POLD3: variants seen among roughly 807,000 people sequenced by gnomAD.
POLD3 encodes DNA polymerase delta subunit 3.
Under a neutral mutation model 58.2 loss-of-function variants are expected in POLD3, and 19 were observed. The ratio of observed to expected loss-of-function variants is 0.33; its 90% CI spans 0.23 to 0.48. POLD3 has a LOEUF of 0.48. POLD3 is among the 20% of genes least tolerant of loss of function. POLD3 has a pLI of 0.99. For synonymous variants in POLD3, 172 were observed against 193.5 expected (o/e 0.89, Z 0.92); for missense variants, 504 against 545.5 (o/e 0.92, Z 0.76).
intron 4 of POLD3, among the ~76,000 whole-genome samples, chr11:74,650,201 A>AT (rs1445713439): frequency 1.3e-5 from 2 of 152,140 alleles, no homozygotes; most frequent in Non-Finnish European, 2.9e-5. Context: ...TACTTTGCTA[A>AT]TTTTTTTGCC....
chr11:74,616,567 A>G (rs748957024), intron 5 of POLD3, among the ~76,000 whole-genome samples: 1 of 152,222 alleles, frequency 6.6e-6, no homozygotes, highest in Admixed American at 6.5e-5. Context: ...TTTTCCTTGT[A>G]TATGGAAGCA....
chr11:74,625,871 T>TTGTGTGTG (rs56365420), intron 8 of POLD3, among the ~76,000 whole-genome samples: 7,707 of 143,548 alleles, frequency 0.054, 358 homozygotes, highest in African/African-American at 0.12. Flanking sequence ...GTGTGCCTAG[T>TTGTGTGTG]TGTGTGTGTG....
chr11:74,650,743 ACACT>A (rs1043688745), intron 4 of POLD3, among the ~76,000 whole-genome samples: 5 of 152,116 alleles, frequency 3.3e-5, no homozygotes, highest in African/African-American at 1.2e-4. Flanking sequence ...TTAAACACAC[ACACT>A]CTCTCTCTTT....
chr11:74,661,268 G>A (rs570503864), intron 4 of POLD3, among the ~76,000 whole-genome samples: 4 of 152,258 alleles, frequency 2.6e-5, no homozygotes, highest in Admixed American at 6.5e-5. Context: ...ATGTTTGTCA[G>A]TGTCTAGGCA....
At chr11:74,626,223 G>T (rs1158359475) in intron 8 of POLD3, among the ~76,000 whole-genome samples, 2 of 152,144 alleles carry the variant, frequency 1.3e-5, no homozygotes, top group East Asian at 1.9e-4. Flanking sequence ...ATTTTAGAGG[G>T]TTAAAGCTCT....
intron 9 of POLD3, among the ~76,000 whole-genome samples, chr11:74,634,053 T>C (rs2032675236): frequency 6.6e-6 from 1 of 152,188 alleles, no homozygotes. Flanking sequence ...TATCTCCACA[T>C]AGATCTTGAG....
At position 74,642,156 on chromosome 11, in the gene POLD3, A is replaced by G. The variant is rs2135186936; in HGVS notation, c.*1390A>G. ...CAGCTGTCTGCTTTTTAAGGTTGGGATTGTGCTGACTTTGGGATTAACATG... is the reference window on the plus strand; with the variant it reads ...CAGCTGTCTGCTTTTTAAGGTTGGGGTTGTGCTGACTTTGGGATTAACATG... On this transcript the variant is annotated 3_prime_UTR_variant, in exon 12 of 12. Transcript: ENST00000263681. 1.0e-6 allele frequency: 1 copy of G among 985,344 alleles called. No homozygotes were observed. Among genetic ancestry groups the G allele is most frequent in the Non-Finnish European group, 1.2e-6 (1 of 829,916 alleles). 61.0% of individuals were successfully genotyped at this position (985,344 alleles called of 1,614,324 possible). A position where few individuals can be genotyped will look rare whatever the true frequency, so the allele number is the denominator to read the frequency against.
intron 5 of POLD3, among the ~76,000 whole-genome samples, chr11:74,618,141 G>C (rs1239563601): frequency 1.3e-5 from 2 of 152,086 alleles, no homozygotes; most frequent in African/African-American, 4.8e-5. Flanking sequence ...TAAAAACAAA[G>C]GCTATTTCAT....
At chr11:74,650,492 T>G (rs2033055200) in intron 4 of POLD3, among the ~76,000 whole-genome samples, 1 of 152,222 alleles carries the variant, frequency 6.6e-6, no homozygotes. Flanking sequence ...ATGCATTCTA[T>G]TTCCTCAAGT....
At chr11:74,622,583 G>A (rs1346650382) in intron 7 of POLD3, among the ~76,000 whole-genome samples, 1 of 152,054 alleles carries the variant, frequency 6.6e-6, no homozygotes, top group African/African-American at 2.4e-5. Context: ...CTTTTTTATT[G>A]TATTCGACAC....
Position 74,641,777 on chromosome 11 carries a change from A to G in POLD3, c.*1011A>G. 1 of 985,274 alleles carries G rather than the reference A, an allele frequency of 1.0e-6. No homozygotes were observed. Among genetic ancestry groups the G allele is most frequent in the Non-Finnish European group, 1.2e-6 (1 of 829,754 alleles). 61.0% of individuals were successfully genotyped at this position (985,274 alleles called of 1,614,324 possible). A position where few individuals can be genotyped will look rare whatever the true frequency, so the allele number is the denominator to read the frequency against. On this transcript the variant is annotated 3_prime_UTR_variant, in exon 12 of 12. Coordinates refer to ENST00000263681, the MANE Select transcript of POLD3 (RefSeq NM_006591.3). Reference sequence around the variant, plus strand: ...AGATAAGGCACACATTTATTTATAAATGGATGTTGCTCCTTTGTATTTTTA... The same window carrying G: ...AGATAAGGCACACATTTATTTATAAGTGGATGTTGCTCCTTTGTATTTTTA...
chr11:74,642,568 G>C lies in POLD3; in HGVS notation c.*1802G>C. 1 of 985,228 alleles carries C rather than the reference G, an allele frequency of 1.0e-6. No homozygotes were observed. Among genetic ancestry groups the C allele is most frequent in the Non-Finnish European group, 1.2e-6 (1 of 829,842 alleles). The allele number at this position is 985,228 out of a possible 1,614,324, so 61.0% of individuals were successfully genotyped here. A position where few individuals can be genotyped will look rare whatever the true frequency, so the allele number is the denominator to read the frequency against. ...GTTGGTTGGAGTTCCATCTTGCAAG[G>C]GATAATACAAATCCTATGATCTCTA... On this transcript the variant is annotated 3_prime_UTR_variant, in exon 12 of 12. Coordinates refer to ENST00000263681, the MANE Select transcript of POLD3 (RefSeq NM_006591.3).
chr11:74,639,414 A>G (rs1199049399), intron 11 of POLD3, among the ~76,000 whole-genome samples: 1 of 152,192 alleles, frequency 6.6e-6, no homozygotes, highest in African/African-American at 2.4e-5. Context: ...TTGTTCTTTA[A>G]TGGAAAAAAA....
In POLD3 at chr11:74,643,009, A is replaced by G; in HGVS notation, c.*2243A>G. 1 of 807,316 alleles carries G rather than the reference A, an allele frequency of 1.2e-6. No individual in the cohort carries two copies. The highest frequency in any genetic ancestry group is 1.5e-6 in the Non-Finnish European group (1 of 667,468). 50.0% of individuals were successfully genotyped at this position (807,316 alleles called of 1,614,324 possible). On this transcript the variant is annotated 3_prime_UTR_variant, in exon 12 of 12. Coordinates refer to ENST00000263681, the MANE Select transcript of POLD3 (RefSeq NM_006591.3). The stretch of plus-strand genomic sequence containing the variant: ...CTTGCTAGCTGTATGACTGTGGGCA[A>G]GTTTCACAGCCTCAAGTTCTTTATC...
chr11:74,664,897 C>T (rs893305997), intron 4 of POLD3, among the ~76,000 whole-genome samples: 5 of 152,108 alleles, frequency 3.3e-5, no homozygotes, highest in South Asian at 4.2e-4. Flanking sequence ...GTCAGGAGTT[C>T]GAGACCAGCC....
At chr11:74,592,897 G>T in intron 1 of POLD3, 179 bp downstream of exon 1, 1 of 1,438,240 alleles carries the variant, frequency 7.0e-7, no homozygotes, top group Non-Finnish European at 9.1e-7. Context: ...CGTCGGGAAG[G>T]TCCTCCAGCA....
rs1016333234 is a variant in POLD3, at chr11:74,613,932, T to C, written c.392+922T>C. 3.3e-5 allele frequency among the ~76,000 whole-genome samples: 5 copies of C among 152,260 alleles called. 1 individual carries two copies. In the South Asian group the frequency reaches 8.3e-4, roughly 25 times the overall value. ...GAGGGGACAAGACTGTTATGACTTA[T>C]GACACAGAAGGTTATGATATCTCAG... On this transcript the variant is annotated intron_variant, in intron 5 of 11. Coordinates refer to ENST00000263681, the MANE Select transcript of POLD3 (RefSeq NM_006591.3).
In POLD3 at chr11:74,640,551, CTCA is replaced by C. The variant is rs779391036; in HGVS notation, c.1199-10_1199-8del. ...CAGCCCACCCATGTTCCATTTTTTT[CTCA>C]TCCTACCAGTGACTGAAAAAGTCTA... On this transcript the variant is annotated splice_polypyrimidine_tract_variant and intron_variant, in intron 11 of 11. Coordinates refer to ENST00000263681, the MANE Select transcript of POLD3 (RefSeq NM_006591.3). 39 of 1,476,090 alleles carry C rather than the reference CTCA, an allele frequency of 2.6e-5. No homozygotes were observed. The highest frequency in any genetic ancestry group is 3.3e-5 in the Non-Finnish European group (37 of 1,112,504). 91.4% of individuals were successfully genotyped at this position (1,476,090 alleles called of 1,614,324 possible).
Position 74,592,712 on chromosome 11 carries a change from C to T in POLD3, c.54C>T (p.Asn18=), listed in dbSNP as rs1235068980. The T allele has an allele frequency of 6.2e-7, 1 of 1,614,100 alleles. No homozygotes were observed. The highest frequency in any genetic ancestry group is 2.2e-5 in the East Asian group (1 of 44,862). Reference sequence around the variant, plus strand: ...TAGACGAGTTCGTCACGGACCAAAACAAGATCGTGAGCAGCTACTACTGGG... The same window carrying T: ...TAGACGAGTTCGTCACGGACCAAAATAAGATCGTGAGCAGCTACTACTGGG... The part of the protein sequence containing the change: ...ENIDEFVTDQ[N]KIVTYKWLSY... Residue 18 remains asparagine, a synonymous_variant, in exon 1 of 12, where the codon AAC becomes AAT. Coordinates refer to ENST00000263681, the MANE Select transcript of POLD3 (RefSeq NM_006591.3).
Sources: gnomAD v4.1 joint callset for allele counts (sites outside exome capture counted in the v4.1 genomes callset) on GRCh38, gnomAD v4.1.1 for gene constraint, MANE v1.5 for transcripts, NCBI Gene and HGNC (gene_info 2026-07-23, HGNC 2026-07-21) for gene names.